The following GNAI3 variants were observed in gnomAD, a reference collection of about 807,000 sequenced individuals.
GNAI3 encodes G protein subunit alpha i3.
GNAI3 carries 12 observed loss-of-function variants against 41.8 expected under a neutral mutation model. The ratio of observed to expected loss-of-function variants is 0.29; its 90% CI spans 0.18 to 0.47. The LOEUF (loss-of-function observed/expected upper bound fraction) is 0.47, where lower values mean the gene tolerates loss of function less well. Ranked by LOEUF, GNAI3 falls within the 20% of genes least tolerant of loss-of-function variation. GNAI3 has a pLI of 1.00. For synonymous variants in GNAI3, 132 were observed against 146.5 expected, an observed-to-expected ratio of 0.90 and a Z score of 0.71; for missense variants, 360 against 429.6, an observed-to-expected ratio of 0.84 and a Z score of 1.43.
intron 1 of GNAI3, among the ~76,000 whole-genome samples, chr1:109,556,962 GTCT>G (rs1648170173): frequency 6.6e-6 from 1 of 152,172 alleles, no homozygotes; most frequent in African/African-American, 2.4e-5. Context: ...TCCCGAGACA[GTCT>G]CACTCTGTTG....
rs2301229 is a variant in GNAI3, at chr1:109,594,056, C to T, written c.*1734C>T. ...TGTGATTCTTTTTGGAAAATCATAG[C>T]TTACAGATGGTATAACTGTATTATA... is the stretch of plus-strand genomic sequence containing the variant. On this transcript the variant is annotated 3_prime_UTR_variant, in exon 9 of 9. Transcript: ENST00000369851. 27,758 of 152,514 alleles carry T rather than the reference C, an allele frequency of 0.18. 2,696 individuals are homozygous for T. The highest frequency in any genetic ancestry group is 0.34 in the East Asian group (1,751 of 5,174). The allele number at this position is 152,514 out of a possible 1,614,324, so 9.4% of individuals were successfully genotyped here. A position where few individuals can be genotyped will look rare whatever the true frequency, so the allele number is the denominator to read the frequency against.
chr1:109,550,804 A>G (rs1647967018), intron 1 of GNAI3, among the ~76,000 whole-genome samples: 1 of 152,214 alleles, frequency 6.6e-6, no homozygotes, highest in South Asian at 2.1e-4. Flanking sequence ...AAGTGCTGGG[A>G]TTATAGGCGT....
In GNAI3 at chr1:109,593,753, T is replaced by C. The variant is rs1194559575; in HGVS notation, c.*1431T>C. Reference sequence around the variant, plus strand: ...TTTACATTTTGCTTGTGTGGAAAGTTACGTTCACTTCAACCTACAGACCCT... The same window carrying C: ...TTTACATTTTGCTTGTGTGGAAAGTCACGTTCACTTCAACCTACAGACCCT... On this transcript the variant is annotated 3_prime_UTR_variant, in exon 9 of 9. Transcript: ENST00000369851. 1 of 152,666 alleles carries C rather than the reference T, an allele frequency of 6.6e-6. No individual in the cohort carries two copies. The highest frequency in any genetic ancestry group is 2.4e-5 in the African/African-American group (1 of 41,468). The allele number at this position is 152,666 out of a possible 1,614,324, so 9.5% of individuals were successfully genotyped here.
At chr1:109,551,297 C>A (rs867237188) in intron 1 of GNAI3, among the ~76,000 whole-genome samples, 10 of 152,156 alleles carry the variant, frequency 6.6e-5, no homozygotes, top group South Asian at 2.1e-4. Context: ...TTAAAATTAT[C>A]TTCTATGCTA....
chr1:109,584,061 A>G (rs546983822), intron 5 of GNAI3, among the ~76,000 whole-genome samples: 2 of 152,252 alleles, frequency 1.3e-5, no homozygotes, highest in South Asian at 4.1e-4. Flanking sequence ...CATTATGCTT[A>G]TATGTAGAAT....
Position 109,592,968 on chromosome 1 carries a change from A to T in GNAI3, c.*646A>T, listed in dbSNP as rs1398812692. Reference sequence around the variant, plus strand: ...CTCAAAGTACCATTATGGTTTCCATATGGTAATTACATTGGAAAGTTCTGC... The same window carrying T: ...CTCAAAGTACCATTATGGTTTCCATTTGGTAATTACATTGGAAAGTTCTGC... On this transcript the variant is annotated 3_prime_UTR_variant, in exon 9 of 9. Transcript: ENST00000369851. The T allele has an allele frequency of 6.6e-6, 1 of 152,658 alleles. No individual in the cohort carries two copies. Among genetic ancestry groups the T allele is most frequent in the South Asian group, 2.1e-4 (1 of 4,836 alleles). 9.5% of individuals were successfully genotyped at this position (152,658 alleles called of 1,614,324 possible).
chr1:109,561,948 A>G (rs191372720), intron 1 of GNAI3, among the ~76,000 whole-genome samples: 144 of 152,332 alleles, frequency 9.5e-4, no homozygotes, highest in African/African-American at 3.4e-3. Flanking sequence ...GACTCAGAAC[A>G]TGAGTGAGCA....
intron 1 of GNAI3, among the ~76,000 whole-genome samples, chr1:109,549,646 G>A (rs1467477229): frequency 6.6e-6 from 1 of 152,234 alleles, no homozygotes; most frequent in Non-Finnish European, 1.5e-5. Context: ...ATGCTGAATA[G>A]TTGCTATAGA....
chr1:109,558,732 G>A (rs1164387468), intron 1 of GNAI3, among the ~76,000 whole-genome samples: 3 of 151,982 alleles, frequency 2.0e-5, no homozygotes, highest in Non-Finnish European at 4.4e-5. Flanking sequence ...TTGCTTCTAA[G>A]TTTTTGTTAG....
chr1:109,580,219 C>T (rs952524234), intron 4 of GNAI3, among the ~76,000 whole-genome samples: 12 of 152,146 alleles, frequency 7.9e-5, no homozygotes, highest in African/African-American at 2.2e-4. Flanking sequence ...AGGATGGTCT[C>T]GATCTCCTGA....
chr1:109,562,983 A>C (rs1295337051), intron 1 of GNAI3, among the ~76,000 whole-genome samples: 1 of 152,188 alleles, frequency 6.6e-6, no homozygotes, highest in African/African-American at 2.4e-5. Context: ...CTTTTACTCT[A>C]AATAAATATA....
chr1:109,558,354 C>T lies in GNAI3; in HGVS notation c.118+9516C>T, dbSNP rs1173662723. Among the ~76,000 whole-genome samples, 8 of 152,106 alleles carry T rather than the reference C, an allele frequency of 5.3e-5. No individual in the cohort carries two copies. The East Asian group carries it at 5.8e-4, about 11-fold the overall frequency. Reference sequence around the variant, plus strand: ...ATGAGAATCGCTTGAACCTGGGAGGCGGACGTTGCAGTCAGCTGAGGTGGA... The same window carrying T: ...ATGAGAATCGCTTGAACCTGGGAGGTGGACGTTGCAGTCAGCTGAGGTGGA... On this transcript the variant is annotated intron_variant, in intron 1 of 8. Coordinates refer to ENST00000369851, the MANE Select transcript of GNAI3 (RefSeq NM_006496.4).
At chr1:109,585,132 T>C (rs921518028) in intron 5 of GNAI3, among the ~76,000 whole-genome samples, 1 of 152,246 alleles carries the variant, frequency 6.6e-6, no homozygotes, top group Non-Finnish European at 1.5e-5. Context: ...ATAGATCTTA[T>C]ACATTAAACC....
At chr1:109,561,038 T>C (rs1196233836) in intron 1 of GNAI3, among the ~76,000 whole-genome samples, 3 of 152,234 alleles carry the variant, frequency 2.0e-5, no homozygotes, top group Non-Finnish European at 4.4e-5. Context: ...ACTATGACCA[T>C]GACTTATGTA....
chr1:109,566,537 T>C (rs1340515251), intron 1 of GNAI3, among the ~76,000 whole-genome samples: 1 of 152,198 alleles, frequency 6.6e-6, no homozygotes, highest in Non-Finnish European at 1.5e-5. Context: ...TATAGTACCT[T>C]GAAAAGCCGT....
intron 4 of GNAI3, among the ~76,000 whole-genome samples, chr1:109,580,289 TGCC>T (rs1454609680): frequency 2.6e-5 from 4 of 152,154 alleles, no homozygotes; most frequent in Admixed American, 6.6e-5. Context: ...TGAGCCACCG[TGCC>T]TGGTCCGGAA....
At position 109,548,657 on chromosome 1, in the gene GNAI3, TGCC is replaced by T; in HGVS notation, c.-62_-60del. On this transcript the variant is annotated 5_prime_UTR_variant, in exon 1 of 9. Transcript: ENST00000369851. ...CCCAGCAATAGACGGTGCCTCAGCC[TGCC>T]GAGCCGCAGTTTCCGTGGTGTGAGT... 2.5e-6 allele frequency: 3 copies of T among 1,180,346 alleles called. No homozygotes were observed. The highest frequency in any genetic ancestry group is 3.8e-6 in the Non-Finnish European group (3 of 795,114). The allele number at this position is 1,180,346 out of a possible 1,614,324, so 73.1% of individuals were successfully genotyped here. A position where few individuals can be genotyped will look rare whatever the true frequency, so the allele number is the denominator to read the frequency against.
intron 6 of GNAI3, 35 bp downstream of exon 6, chr1:109,586,380 T>A: frequency 6.3e-7 from 1 of 1,578,032 alleles, no homozygotes; most frequent in South Asian, 1.1e-5. Context: ...GCCTGTCTAA[T>A]GTAGCCAGGA....
At position 109,556,263 on chromosome 1, in the gene GNAI3, T is replaced by A. The variant is rs115166281; in HGVS notation, c.118+7425T>A. Reference sequence around the variant, plus strand: ...TTTGCCATATTGCCCAGGCTGGCCTTGAACTTCTGGGTTCAATGATTTGCC... The same window carrying A: ...TTTGCCATATTGCCCAGGCTGGCCTAGAACTTCTGGGTTCAATGATTTGCC... On this transcript the variant is annotated intron_variant, in intron 1 of 8. Transcript: ENST00000369851. Among the ~76,000 whole-genome samples, 844 of 152,154 alleles carry A rather than the reference T, an allele frequency of 5.5e-3. 7 individuals are homozygous for A. The highest frequency in any genetic ancestry group is 0.02 in the African/African-American group (823 of 41,500).
Sources: allele counts gnomAD v4.1 joint callset (sites outside exome capture counted in the v4.1 genomes callset), GRCh38; gene constraint gnomAD v4.1.1; transcripts MANE v1.5; gene names NCBI Gene and HGNC (gene_info 2026-07-23, HGNC 2026-07-21).